The following KBTBD12 variants were observed in gnomAD, a reference collection of about 807,000 sequenced individuals.
The protein encoded by KBTBD12 is kelch repeat and BTB domain-containing protein 12.
KBTBD12 carries 53 observed loss-of-function variants against 58.7 expected under a neutral mutation model. The ratio of observed to expected loss-of-function variants is 0.90; its 90% CI spans 0.72 to 1.14. The LOEUF is 1.14. KBTBD12 is among the 50% of genes most tolerant of loss of function. The pLI, the probability that KBTBD12 is intolerant of heterozygous loss-of-function variation, is 0.00. For synonymous variants in KBTBD12, 236 were observed against 259.8 expected (o/e 0.91, Z 0.88); for missense variants, 704 against 751.3 (o/e 0.94, Z 0.74).
intron 5 of KBTBD12, among the ~76,000 whole-genome samples, chr3:127,968,128 G>A (rs1289770229): frequency 6.6e-6 from 1 of 152,220 alleles, no homozygotes; most frequent in Non-Finnish European, 1.5e-5. Flanking sequence ...TAAAAATGCT[G>A]ATATACTAGT....
At chr3:127,981,380 A>G (rs751927415) in intron 5 of KBTBD12, among the ~76,000 whole-genome samples, 2 of 152,248 alleles carry the variant, frequency 1.3e-5, no homozygotes, top group Non-Finnish European at 2.9e-5. Context: ...GAGATCATAC[A>G]TTTAAATCAC....
chr3:127,970,276 A>G (rs1356850234), intron 5 of KBTBD12, among the ~76,000 whole-genome samples: 1 of 152,214 alleles, frequency 6.6e-6, no homozygotes, highest in African/African-American at 2.4e-5. Flanking sequence ...AAGATAGATA[A>G]TAACAAGTAT....
intron 5 of KBTBD12, among the ~76,000 whole-genome samples, chr3:127,983,855 T>G (rs998884131): frequency 6.6e-6 from 1 of 152,086 alleles, no homozygotes; most frequent in Non-Finnish European, 1.5e-5. Context: ...CTGCCATGAG[T>G]TGAAACAGCC....
intron 1 of KBTBD12, 101 bp from the exon 2 acceptor site, chr3:127,922,849 A>C: frequency 2.3e-6 from 1 of 435,040 alleles, no homozygotes; most frequent in Non-Finnish European, 4.1e-6. Context: ...CTTGGAGTGA[A>C]TAATATCTGT....
At chr3:127,927,499 C>T (rs1025332851) in intron 2 of KBTBD12, among the ~76,000 whole-genome samples, 5 of 152,062 alleles carry the variant, frequency 3.3e-5, no homozygotes, top group Non-Finnish European at 5.9e-5. Flanking sequence ...GAAGGCTACT[C>T]CTGGAAAATC....
At chr3:127,952,758 G>A (rs1359511210) in intron 4 of KBTBD12, among the ~76,000 whole-genome samples, 4 of 152,204 alleles carry the variant, frequency 2.6e-5, no homozygotes, top group Non-Finnish European at 4.4e-5. Context: ...TGTTAAATGA[G>A]GAGTTACTGT....
At chr3:127,930,479 G>C (rs1939677039) in intron 4 of KBTBD12, among the ~76,000 whole-genome samples, 196 bp downstream of exon 4, 1 of 152,158 alleles carries the variant, frequency 6.6e-6, no homozygotes, top group Admixed American at 6.5e-5. Context: ...GACATATTGA[G>C]AGCAAAATTA....
intron 5 of KBTBD12, among the ~76,000 whole-genome samples, chr3:127,974,837 G>C (rs934301176): frequency 8.5e-5 from 13 of 152,158 alleles, no homozygotes; most frequent in Admixed American, 8.5e-4. Context: ...AAATTAGCCG[G>C]GCATGGTGGC....
intron 5 of KBTBD12, among the ~76,000 whole-genome samples, chr3:127,970,939 T>C (rs1940671937): frequency 6.6e-6 from 1 of 152,204 alleles, no homozygotes; most frequent in African/African-American, 2.4e-5. Flanking sequence ...TTTTATGATA[T>C]ATGAACTATA....
chr3:127,947,168 T>A (rs1398723671), intron 4 of KBTBD12, among the ~76,000 whole-genome samples: 1 of 152,194 alleles, frequency 6.6e-6, no homozygotes, highest in African/African-American at 2.4e-5. Flanking sequence ...GTCTGGTGAT[T>A]TTTTTCTTGT....
intron 1 of KBTBD12, 32 bp from the exon 2 acceptor site, chr3:127,922,918 T>C (rs1350802146): frequency 6.9e-6 from 4 of 576,286 alleles, no homozygotes; most frequent in Non-Finnish European, 9.2e-6. Flanking sequence ...AATTTTTTCT[T>C]AGAAGGAAAC....
chr3:127,933,154 A>G (rs1373408268), intron 4 of KBTBD12, among the ~76,000 whole-genome samples: 1 of 152,202 alleles, frequency 6.6e-6, no homozygotes, highest in Non-Finnish European at 1.5e-5. Context: ...ATCTCTAGAA[A>G]TCAATCATAA....
At chr3:127,933,591 A>G (rs887220183) in intron 4 of KBTBD12, among the ~76,000 whole-genome samples, 3 of 152,136 alleles carry the variant, frequency 2.0e-5, no homozygotes, top group African/African-American at 7.2e-5. Flanking sequence ...CTCTCCACAC[A>G]TTCCTAGATG....
intron 4 of KBTBD12, among the ~76,000 whole-genome samples, chr3:127,949,819 C>G (rs1181402004): frequency 6.6e-6 from 1 of 152,144 alleles, no homozygotes. Flanking sequence ...CATTTAGTCC[C>G]TGTTTTGCGG....
chr3:127,950,574 T>C (rs1470812408), intron 4 of KBTBD12, among the ~76,000 whole-genome samples: 1 of 152,178 alleles, frequency 6.6e-6, no homozygotes, highest in Non-Finnish European at 1.5e-5. Flanking sequence ...CAGCAAAGAA[T>C]ACATCAAATA....
At chr3:127,947,919 G>A (rs1940118540) in intron 4 of KBTBD12, among the ~76,000 whole-genome samples, 1 of 152,134 alleles carries the variant, frequency 6.6e-6, no homozygotes. Context: ...TACTGTTTCT[G>A]CACCTCTCCG....
intron 4 of KBTBD12, among the ~76,000 whole-genome samples, chr3:127,930,985 C>T (rs1411254554): frequency 6.6e-6 from 1 of 152,118 alleles, no homozygotes; most frequent in Admixed American, 6.6e-5. Context: ...TTCTCTATCA[C>T]CTTCCCTCAC....
intron 1 of KBTBD12, among the ~76,000 whole-genome samples, 170 bp downstream of exon 1, chr3:127,915,756 C>G (rs1352841654): frequency 6.6e-6 from 1 of 152,242 alleles, no homozygotes; most frequent in Non-Finnish European, 1.5e-5. Context: ...TCAGGTGGGG[C>G]TCCCAGGAGC....
At chr3:127,919,963 C>T (rs549152759) in intron 1 of KBTBD12, among the ~76,000 whole-genome samples, 5 of 152,290 alleles carry the variant, frequency 3.3e-5, no homozygotes, top group African/African-American at 1.2e-4. Flanking sequence ...TGGATACCCA[C>T]CAAACAGCTG....
Sources: gnomAD v4.1 joint callset for allele counts (sites outside exome capture counted in the v4.1 genomes callset) on GRCh38, gnomAD v4.1.1 for gene constraint, MANE v1.5 for transcripts, NCBI Gene and HGNC (gene_info 2026-07-23, HGNC 2026-07-21) for gene names.